Variants in BCAT2 observed in about 807,000 individuals in gnomAD.
BCAT2 encodes branched-chain-amino-acid aminotransferase, mitochondrial.
Under a neutral mutation model 52.9 loss-of-function variants are expected in BCAT2, and 44 were observed. The ratio of observed to expected loss-of-function variants is 0.83; its 90% CI spans 0.65 to 1.07. BCAT2 has a LOEUF of 1.07. BCAT2 is among the 50% of genes least tolerant of loss of function. The pLI, the probability that BCAT2 is intolerant of heterozygous loss-of-function variation, is 0.00. For synonymous variants in BCAT2, 215 were observed against 217.1 expected (o/e 0.99, Z 0.08); for missense variants, 478 against 521.8 (o/e 0.92, Z 0.82).
intron 1 of BCAT2, 50 bp downstream of exon 1, chr19:48,810,934 G>A: frequency 6.3e-7 from 1 of 1,594,912 alleles, no homozygotes; most frequent in Non-Finnish European, 8.5e-7. Context: ...TCCCGGAAGT[G>A]CGCCTCCCCC....
intron 3 of BCAT2, among the ~76,000 whole-genome samples, chr19:48,800,638 C>G (rs899312648): frequency 6.6e-6 from 1 of 152,092 alleles, no homozygotes; most frequent in African/African-American, 2.4e-5. Context: ...TAGCAAGACC[C>G]CATCTCTACC....
In BCAT2 at chr19:48,795,353, T is replaced by G. The variant is rs913650279; in HGVS notation, c.*73A>C. The G allele has an allele frequency of 3.8e-6, 6 of 1,594,076 alleles. No individual in the cohort carries two copies. The highest frequency in any genetic ancestry group is 5.2e-6 in the Non-Finnish European group (6 of 1,164,472). ...TATTTCGTATTGCACTTCAGGTGAG[T>G]CATTGGTAGGGAGGCGAGTGCTGGC... On this transcript the variant is annotated 3_prime_UTR_variant, in exon 11 of 11. Transcript: ENST00000316273.
At chr19:48,796,243 C>T (rs2034510898) in intron 10 of BCAT2, 185 bp downstream of exon 10, 1 of 718,338 alleles carries the variant, frequency 1.4e-6, no homozygotes, top group East Asian at 2.7e-5. Context: ...GGTGATTTAG[C>T]CCCAAGGGGT....
intron 1 of BCAT2, among the ~76,000 whole-genome samples, chr19:48,810,162 GC>G (rs1040083579): frequency 6.6e-6 from 1 of 152,128 alleles, no homozygotes. Context: ...GTCACTAAGA[GC>G]CGAAAAAAGT....
chr19:48,797,515 T>C, intron 6 of BCAT2, 182 bp from the exon 7 acceptor site: 1 of 654,030 alleles, frequency 1.5e-6, no homozygotes, highest in African/African-American at 1.8e-5. Context: ...AATGGTTATG[T>C]CCCCTCTCTC....
At position 48,795,378 on chromosome 19, in the gene BCAT2, C is replaced by T; in HGVS notation, c.*48G>A. ...TCATTGGTAGGGAGGCGAGTGCTGGCGTGACGAGATGCTACGGGTCGGTGG... is the reference window on the plus strand; with the variant it reads ...TCATTGGTAGGGAGGCGAGTGCTGGTGTGACGAGATGCTACGGGTCGGTGG... On this transcript the variant is annotated 3_prime_UTR_variant, in exon 11 of 11. Transcript: ENST00000316273. 6.2e-7 allele frequency: 1 copy of T among 1,612,620 alleles called. No individual in the cohort carries two copies. Among genetic ancestry groups the T allele is most frequent in the South Asian group, 1.1e-5 (1 of 90,988 alleles).
At chr19:48,796,373 C>A (rs2034516104) in intron 10 of BCAT2, 55 bp downstream of exon 10, 1 of 1,608,156 alleles carries the variant, frequency 6.2e-7, no homozygotes, top group Admixed American at 1.7e-5. Flanking sequence ...TCATGGGACA[C>A]CAACTTCTCC....
In BCAT2 at chr19:48,799,470, G is replaced by C. The variant is rs2034605194; in HGVS notation, c.695+205C>G. The C allele has an allele frequency of 1.5e-6, 1 of 657,458 alleles. No homozygotes were observed. 40.7% of individuals were successfully genotyped at this position (657,458 alleles called of 1,614,324 possible). A position where few individuals can be genotyped will look rare whatever the true frequency, so the allele number is the denominator to read the frequency against. ...TGCCTTCCCATCTGTGAGCCTTTTT[G>C]TCCATCTGAAAAATAATCCCCTCCT... On this transcript the variant is annotated intron_variant, in intron 6 of 10. Coordinates refer to ENST00000316273, the MANE Select transcript of BCAT2 (RefSeq NM_001190.4). This position sits in a 1 kb window ranked among gnomAD's most constrained non-coding sequence, Gnocchi z 5.5.
In BCAT2 at chr19:48,807,298, A is replaced by T; in HGVS notation, c.25-224T>A. On this transcript the variant is annotated intron_variant, in intron 1 of 10. Transcript: ENST00000316273. The surrounding 1 kb of genome is among the most constrained non-coding windows in gnomAD (Gnocchi z 4.6). ...TGAGTCAGCTCCCGCCCCCTCCTCC[A>T]TGCTGCGGCAAAGTCAAACGCAAGC... The T allele has an allele frequency of 4.2e-6, 2 of 478,790 alleles. No homozygotes were observed. Among genetic ancestry groups the T allele is most frequent in the Non-Finnish European group, 3.7e-6 (1 of 267,942 alleles). 29.7% of individuals were successfully genotyped at this position (478,790 alleles called of 1,614,324 possible).
chr19:48,807,571 C>T lies in BCAT2; in HGVS notation c.25-497G>A. ...TCCCTCAGACCCGAAGTCTGGGCCCCCAGCCCCTCCTCCCTCAGACCCTGG... is the reference window on the plus strand; with the variant it reads ...TCCCTCAGACCCGAAGTCTGGGCCCTCAGCCCCTCCTCCCTCAGACCCTGG... On this transcript the variant is annotated intron_variant, in intron 1 of 10. Coordinates refer to ENST00000316273, the MANE Select transcript of BCAT2 (RefSeq NM_001190.4). This position sits in a 1 kb window ranked among gnomAD's most constrained non-coding sequence, Gnocchi z 4.6. 1 of 405,266 alleles carries T rather than the reference C, an allele frequency of 2.5e-6. No individual in the cohort carries two copies. The highest frequency in any genetic ancestry group is 3.4e-6 in the Non-Finnish European group (1 of 297,758). 25.1% of individuals were successfully genotyped at this position (405,266 alleles called of 1,614,324 possible).
At chr19:48,810,736 C>CCTT in intron 1 of BCAT2, 1 of 720,992 alleles carries the variant, frequency 1.4e-6, no homozygotes, top group Non-Finnish European at 1.8e-6. Context: ...CCATGTTTCC[C>CCTT]TTTTTTTTTT....
At chr19:48,800,774 A>C (rs1252655615) in intron 3 of BCAT2, among the ~76,000 whole-genome samples, 1 of 151,480 alleles carries the variant, frequency 6.6e-6, no homozygotes, top group Non-Finnish European at 1.5e-5. Context: ...ATGCCACTGC[A>C]CTCCAGCCTG....
chr19:48,801,414 A>G (rs1020664275), intron 3 of BCAT2, among the ~76,000 whole-genome samples: 25 of 152,104 alleles, frequency 1.6e-4, no homozygotes, highest in Non-Finnish European at 3.4e-4. Context: ...ATAAATCTAC[A>G]ATACTTAAAA....
At chr19:48,810,139 A>T (rs1300500451) in intron 1 of BCAT2, among the ~76,000 whole-genome samples, 1 of 152,200 alleles carries the variant, frequency 6.6e-6, no homozygotes, top group Non-Finnish European at 1.5e-5. Flanking sequence ...GTATCCCAGG[A>T]CTATCCCTAT....
At position 48,795,852 on chromosome 19, in the gene BCAT2, T is replaced by C. The variant is rs73587808; in HGVS notation, c.1141-388A>G. 1,487 of 305,508 alleles carry C rather than the reference T, an allele frequency of 4.9e-3. 29 individuals carry two copies. The highest frequency in any genetic ancestry group is 0.03 in the African/African-American group (1,365 of 46,184). The allele number at this position is 305,508 out of a possible 1,614,324, so 18.9% of individuals were successfully genotyped here. A position where few individuals can be genotyped will look rare whatever the true frequency, so the allele number is the denominator to read the frequency against. ...GGGAAAGAGATCTTGGCCCAGAAGA[T>C]GGGAATACCCCCAGAGATTTATGGG... On this transcript the variant is annotated intron_variant, in intron 10 of 10. Coordinates refer to ENST00000316273, the MANE Select transcript of BCAT2 (RefSeq NM_001190.4).
At position 48,800,014 on chromosome 19, in the gene BCAT2, G is replaced by A. The variant is rs745470533; in HGVS notation, c.498C>T (p.Ser166=). 12 of 1,613,400 alleles carry A rather than the reference G, an allele frequency of 7.4e-6. No homozygotes were observed. The highest frequency in any genetic ancestry group is 2.2e-5 in the East Asian group (1 of 44,882). ...KDWVPDAAGT[S]LYVRPVLIGN... ...CAATGAGCACAGGCCGCACATAGAG[G>A]CTGGTGCCGGCGGCATCGGGGACCC... is the stretch of plus-strand genomic sequence containing the variant. The change falls in exon 5 of 11, where the codon AGC becomes AGT. Residue 166 remains serine, a synonymous_variant. Coordinates refer to ENST00000316273, the MANE Select transcript of BCAT2 (RefSeq NM_001190.4).
chr19:48,803,404 T>G (rs2034698030), intron 3 of BCAT2, among the ~76,000 whole-genome samples: 1 of 152,016 alleles, frequency 6.6e-6, no homozygotes, highest in African/African-American at 2.4e-5. Context: ...GGTGCACACC[T>G]GCAGTCCCAG....
Position 48,795,142 on chromosome 19 carries a change from C to G in BCAT2, c.*284G>C. ...TCAACGGCAGCACCAGGGGTCTGGC[C>G]TGAGAACGGAGAGATCCGGAATCGG... On this transcript the variant is annotated 3_prime_UTR_variant, in exon 11 of 11. Coordinates refer to ENST00000316273, the MANE Select transcript of BCAT2 (RefSeq NM_001190.4). 1 of 530,990 alleles carries G rather than the reference C, an allele frequency of 1.9e-6. No homozygotes were observed. The highest frequency in any genetic ancestry group is 3.4e-6 in the Non-Finnish European group (1 of 295,944). 32.9% of individuals were successfully genotyped at this position (530,990 alleles called of 1,614,324 possible).
chr19:48,806,795 G>T, intron 2 of BCAT2, 78 bp from the exon 3 acceptor site: 2 of 1,542,358 alleles, frequency 1.3e-6, no homozygotes, highest in Non-Finnish European at 8.9e-7. Context: ...GAAGCCCTGG[G>T]CCTCAGACCC....
Sources: gnomAD v4.1 joint callset for allele counts (sites outside exome capture counted in the v4.1 genomes callset) on GRCh38, gnomAD v4.1.1 for gene constraint, Gnocchi (gnomAD v3.1) non-coding constraint, MANE v1.5 for transcripts, NCBI Gene and HGNC (gene_info 2026-07-23, HGNC 2026-07-21) for gene names.